The following CSMD3 variants were observed in gnomAD, a reference collection of about 807,000 sequenced individuals.
CSMD3 encodes the protein CUB and Sushi multiple domains 3, also known as CUB and sushi domain-containing protein 3.
Under a neutral mutation model 435.2 loss-of-function variants are expected in CSMD3, and 177 were observed. That is an observed-to-expected ratio of 0.41 (90% CI 0.36 to 0.46). CSMD3 has a LOEUF of 0.46. CSMD3 is among the 20% of genes least tolerant of loss of function. The probability of loss-of-function intolerance (pLI) is 0.34; values close to 1 mark genes in which losing one functional copy is unlikely to be tolerated. For missense variants in CSMD3, 4,265 were observed against 4,504.6 expected (o/e 0.95, Z 1.52); for synonymous variants, 1,656 against 1,520.5 (o/e 1.09, Z -2.07).
At chr8:112,786,513 CTATT>C (rs1197295366) in intron 13 of CSMD3, among the ~76,000 whole-genome samples, 1 of 151,658 alleles carries the variant, frequency 6.6e-6, no homozygotes, top group African/African-American at 2.4e-5. Context: ...TGCAAACTAT[CTATT>C]TGACAAAGGC....
intron 1 of CSMD3, among the ~76,000 whole-genome samples, chr8:113,418,684 T>C (rs2094594275): frequency 6.6e-6 from 1 of 152,216 alleles, no homozygotes; most frequent in Non-Finnish European, 1.5e-5. Context: ...ACATGCTGTC[T>C]GTACTACTGA....
intron 3 of CSMD3, among the ~76,000 whole-genome samples, chr8:113,197,973 A>G (rs540227238): frequency 6.6e-6 from 1 of 151,510 alleles, no homozygotes; most frequent in South Asian, 2.1e-4. Context: ...AGCATATACA[A>G]TCTTTATAAA....
chr8:113,165,138 G>A (rs2092124972), intron 4 of CSMD3, among the ~76,000 whole-genome samples: 1 of 152,122 alleles, frequency 6.6e-6, no homozygotes, highest in South Asian at 2.1e-4. Context: ...TTCTGAAGCT[G>A]TCAATATATT....
intron 1 of CSMD3, among the ~76,000 whole-genome samples, chr8:113,344,409 T>C (rs1416948958): frequency 1.3e-5 from 2 of 152,162 alleles, no homozygotes; most frequent in Non-Finnish European, 2.9e-5. Context: ...AATGCAAAGA[T>C]TATGAAAACA....
At chr8:112,662,126 C>T (rs1203019796) in intron 17 of CSMD3, among the ~76,000 whole-genome samples, 1 of 152,106 alleles carries the variant, frequency 6.6e-6, no homozygotes, top group Non-Finnish European at 1.5e-5. Context: ...AATGCCATCC[C>T]CATCAAGCTA....
intron 3 of CSMD3, among the ~76,000 whole-genome samples, chr8:113,211,259 T>C (rs1296813872): frequency 6.6e-6 from 1 of 152,116 alleles, no homozygotes; most frequent in Non-Finnish European, 1.5e-5. Flanking sequence ...GTAGTAGAGG[T>C]TCCTTTCTTT....
chr8:112,629,589 T>G (rs768556189), intron 22 of CSMD3, among the ~76,000 whole-genome samples: 3 of 152,146 alleles, frequency 2.0e-5, no homozygotes, highest in Non-Finnish European at 2.9e-5. Flanking sequence ...TGTGGCTATA[T>G]TCCAGGATGC....
intron 3 of CSMD3, among the ~76,000 whole-genome samples, chr8:113,270,128 C>T (rs867462304): frequency 6.6e-6 from 1 of 151,952 alleles, no homozygotes; most frequent in Non-Finnish European, 1.5e-5. Context: ...AAAAAAACAA[C>T]CCCATCAATA....
At chr8:112,987,810 C>T (rs889341742) in intron 6 of CSMD3, among the ~76,000 whole-genome samples, 4 of 152,162 alleles carry the variant, frequency 2.6e-5, no homozygotes, top group African/African-American at 7.2e-5. Context: ...GTAATTCCCT[C>T]GGCAGGATTT....
intron 5 of CSMD3, among the ~76,000 whole-genome samples, chr8:113,072,877 C>T (rs548510102): frequency 3.3e-5 from 5 of 151,742 alleles, no homozygotes; most frequent in African/African-American, 4.8e-5. Flanking sequence ...TCATCACCCA[C>T]GAACACTAAA....
intron 17 of CSMD3, among the ~76,000 whole-genome samples, chr8:112,657,034 A>G (rs902523984): frequency 8.0e-5 from 12 of 150,020 alleles, no homozygotes; most frequent in African/African-American, 2.9e-4. Context: ...AGAAAACCAC[A>G]GCCTTAAAAA....
chr8:113,304,918 A>T (rs1308435859), intron 2 of CSMD3, among the ~76,000 whole-genome samples: 3 of 141,158 alleles, frequency 2.1e-5, no homozygotes, highest in African/African-American at 5.3e-5. Flanking sequence ...GTATAATAAA[A>T]AAAAAAAAAA....
chr8:113,224,013 C>G (rs1052551497), intron 3 of CSMD3, among the ~76,000 whole-genome samples: 1 of 151,086 alleles, frequency 6.6e-6, no homozygotes, highest in African/African-American at 2.4e-5. Flanking sequence ...AACATCTAAT[C>G]TTCAGTTAAG....
At chr8:113,114,992 G>A (rs768261787) in intron 4 of CSMD3, among the ~76,000 whole-genome samples, 12 of 152,156 alleles carry the variant, frequency 7.9e-5, no homozygotes, top group East Asian at 3.9e-4. Flanking sequence ...GCCTACTTTC[G>A]TTACTTAAAC....
At chr8:113,157,016 T>G (rs1281790537) in intron 4 of CSMD3, among the ~76,000 whole-genome samples, 6 of 142,310 alleles carry the variant, frequency 4.2e-5, no homozygotes. Flanking sequence ...GTTAAGAGAG[T>G]ACCTCAAACC....
chr8:112,392,864 CTTTTTTTTTTTTTTT>C (rs56809581), intron 35 of CSMD3, among the ~76,000 whole-genome samples: 21 of 122,168 alleles, frequency 1.7e-4, no homozygotes, highest in African/African-American at 6.5e-4. Context: ...TCTTTTTTTT[CTTTTTTTTTTTTTTT>C]TTTTGAAACA....
chr8:112,405,356 C>A (rs1831753476), intron 35 of CSMD3, among the ~76,000 whole-genome samples: 1 of 148,222 alleles, frequency 6.7e-6, no homozygotes, highest in African/African-American at 2.5e-5. Flanking sequence ...TAAGTCTTAC[C>A]ACTCTTTTTT....
intron 2 of CSMD3, among the ~76,000 whole-genome samples, chr8:113,308,380 T>C (rs1178875478): frequency 7.0e-6 from 1 of 142,346 alleles, no homozygotes; most frequent in Non-Finnish European, 1.5e-5. Context: ...GCCATTCTCC[T>C]GCCTCAGCCT....
Position 112,682,558 on chromosome 8 carries a change from C to T in CSMD3, c.2561G>A (p.Ser854Asn). The T allele has an allele frequency of 6.2e-7, 1 of 1,613,666 alleles. No homozygotes were observed. The highest frequency in any genetic ancestry group is 8.5e-7 in the Non-Finnish European group (1 of 1,179,664). ...RRFGDNFQLG[S>N]SISVICEEGF... ...TTCTTCACAAATAACTGAAATTGAA[C>T]TTCCTAATTGAAAGTTGTCCCCAAA... Residue 854 changes from serine (S) to asparagine (N), a missense_variant, in exon 16 of 71, where the codon AGT (serine) becomes AAT (asparagine). Ser to Asn is a conservative substitution (Grantham distance 46, BLOSUM62 1). This residue lies in a region of CSMD3 where 279 missense variants were observed against 369.0 expected (regional missense o/e 0.76). Transcript: ENST00000297405.
Sources: gnomAD v4.1 joint callset for allele counts (sites outside exome capture counted in the v4.1 genomes callset) on GRCh38, gnomAD v4.1.1 for gene constraint, gnomAD v4.1.1 regional missense constraint, MANE v1.5 for transcripts, NCBI Gene and HGNC (gene_info 2026-07-23, HGNC 2026-07-21) for gene names.